Variants in CDH8 observed in about 807,000 individuals in gnomAD.
The protein encoded by CDH8 is cadherin-8.
A neutral mutation model predicts 68.1 loss-of-function variants in CDH8; 17 were observed. The observed-to-expected ratio is 0.25, with a 90% CI of 0.17 to 0.37. CDH8 has a LOEUF of 0.37. Ranked by LOEUF, CDH8 falls within the 10% of genes least tolerant of loss-of-function variation. The pLI is 1.00. For synonymous variants in CDH8, 372 were observed against 365.1 expected, an observed-to-expected ratio of 1.02 and a Z score of -0.21; for missense variants, 763 against 999.3, an observed-to-expected ratio of 0.76 and a Z score of 3.19.
At chr16:61,843,579 T>C (rs1032958155) in intron 4 of CDH8, among the ~76,000 whole-genome samples, 13 of 152,216 alleles carry the variant, frequency 8.5e-5, no homozygotes, top group Admixed American at 5.2e-4. Flanking sequence ...TTGTCTCCCC[T>C]GAAATTCCAA....
intron 11 of CDH8, among the ~76,000 whole-genome samples, chr16:61,654,595 T>TGCATG (rs1269458443): frequency 6.6e-6 from 1 of 152,212 alleles, no homozygotes; most frequent in African/African-American, 2.4e-5. Flanking sequence ...ATGTCAAATT[T>TGCATG]GCATGGGCAA....
chr16:62,030,920 G>A (rs1053679782), intron 1 of CDH8, among the ~76,000 whole-genome samples: 1 of 151,948 alleles, frequency 6.6e-6, no homozygotes, highest in African/African-American at 2.4e-5. Context: ...ACCCATAGTT[G>A]CAATTCACAT....
At chr16:61,736,603 C>T (rs547074792) in intron 8 of CDH8, among the ~76,000 whole-genome samples, 3 of 152,192 alleles carry the variant, frequency 2.0e-5, no homozygotes, top group African/African-American at 7.2e-5. Context: ...CCAAACACCA[C>T]CAAAATATCT....
chr16:61,765,110 G>A (rs1445914995), intron 8 of CDH8, among the ~76,000 whole-genome samples: 1 of 151,940 alleles, frequency 6.6e-6, no homozygotes, highest in African/African-American at 2.4e-5. Context: ...GTAGAACTAC[G>A]ACCCTTCTGA....
At chr16:61,917,082 T>C (rs912482501) in intron 2 of CDH8, among the ~76,000 whole-genome samples, 7 of 150,942 alleles carry the variant, frequency 4.6e-5, no homozygotes, top group African/African-American at 1.5e-4. Flanking sequence ...TGTGTGTGTG[T>C]GTGTGTGTGT....
intron 10 of CDH8, among the ~76,000 whole-genome samples, chr16:61,693,909 G>C (rs1964279832): frequency 6.6e-6 from 1 of 152,160 alleles, no homozygotes; most frequent in Non-Finnish European, 1.5e-5. Flanking sequence ...GTAATACTAA[G>C]CAGTCAATAC....
Position 61,857,213 on chromosome 16 carries a change from C to A in CDH8, c.573G>T (p.Ala191=). ...ILGTSVTNVT[A]TDADDPVYGN... is the part of the protein sequence containing the mutation. ...CATAAACTGGGTCATCAGCGTCGGT[C>A]GCAGTGACGTTAGTGACAGATGTAC... The change falls in exon 4 of 12, where the codon GCG becomes GCT. Residue 191 remains alanine (A), a synonymous_variant. Transcript: ENST00000577390. The A allele has an allele frequency of 6.2e-7, 1 of 1,612,450 alleles. No homozygotes were observed. Among genetic ancestry groups the A allele is most frequent in the South Asian group, 1.1e-5 (1 of 91,008 alleles).
At chr16:61,726,844 A>T in intron 9 of CDH8, 1 of 500,358 alleles carries the variant, frequency 2.0e-6, no homozygotes, top group African/African-American at 2.0e-5. Flanking sequence ...ATATTTTAAG[A>T]CAGTGATTTG....
chr16:61,820,500 C>T (rs1050726848), intron 6 of CDH8, among the ~76,000 whole-genome samples: 3 of 151,804 alleles, frequency 2.0e-5, no homozygotes, highest in Non-Finnish European at 4.4e-5. Flanking sequence ...GAGGCCTGTT[C>T]TTACTGAGAA....
chr16:62,009,644 A>G (rs1203376014), intron 2 of CDH8, among the ~76,000 whole-genome samples: 2 of 152,158 alleles, frequency 1.3e-5, no homozygotes, highest in Non-Finnish European at 2.9e-5. Flanking sequence ...AGTTTTGGCT[A>G]AAGATTCCAG....
At chr16:61,818,508 A>G (rs1962134481) in intron 6 of CDH8, among the ~76,000 whole-genome samples, 1 of 152,174 alleles carries the variant, frequency 6.6e-6, no homozygotes, top group South Asian at 2.1e-4. Context: ...AAGCAATTTG[A>G]AATTACCTCA....
chr16:61,832,003 A>G (rs1429221855), intron 4 of CDH8, among the ~76,000 whole-genome samples: 1 of 151,714 alleles, frequency 6.6e-6, no homozygotes, highest in Non-Finnish European at 1.5e-5. Context: ...AAGAGACAAT[A>G]CTTCTATAAG....
At chr16:61,958,204 T>A (rs1965019153) in intron 2 of CDH8, among the ~76,000 whole-genome samples, 1 of 152,154 alleles carries the variant, frequency 6.6e-6, no homozygotes, top group South Asian at 2.1e-4. Context: ...GGAAAATTCC[T>A]GAGGCTGATG....
rs146677866 is a variant in CDH8 at position 61,912,686 on chromosome 16, A to G, written c.253-11213T>C. 5.6e-3 allele frequency among the ~76,000 whole-genome samples: 856 copies of G among 152,220 alleles called. 9 individuals are homozygous for G. Among genetic ancestry groups the G allele is most frequent in the African/African-American group, 0.02 (824 of 41,534 alleles). On this transcript the variant is annotated intron_variant, in intron 2 of 11. Coordinates refer to ENST00000577390, the MANE Select transcript of CDH8 (RefSeq NM_001796.5). Reference sequence around the variant, plus strand: ...ACCTGGGTTGAATTACAGTGACCAGATATGATCTTGGGCAGGTCACCTACA... The same window carrying G: ...ACCTGGGTTGAATTACAGTGACCAGGTATGATCTTGGGCAGGTCACCTACA...
chr16:62,034,467 T>C (rs1035286887), intron 1 of CDH8, among the ~76,000 whole-genome samples: 3 of 152,092 alleles, frequency 2.0e-5, no homozygotes, highest in Admixed American at 6.5e-5. Context: ...TTTTTAACCA[T>C]TGAGATGGCT....
chr16:62,019,509 C>T (rs901909655), intron 2 of CDH8, among the ~76,000 whole-genome samples: 1 of 152,152 alleles, frequency 6.6e-6, no homozygotes, highest in African/African-American at 2.4e-5. Context: ...ACTTTTCATA[C>T]TTCAGAAACA....
chr16:61,935,952 G>A (rs1229324286), intron 2 of CDH8, among the ~76,000 whole-genome samples: 2 of 152,106 alleles, frequency 1.3e-5, no homozygotes, highest in Admixed American at 1.3e-4. Flanking sequence ...CATTGTGAAG[G>A]TTTACAGCAC....
intron 2 of CDH8, among the ~76,000 whole-genome samples, chr16:61,952,838 GCA>G (rs140148782): frequency 0.029 from 4,467 of 151,810 alleles, 223 homozygotes; most frequent in African/African-American, 0.1. Flanking sequence ...TAAGTGTAGA[GCA>G]CATATTGGGA....
At chr16:61,657,155 A>G (rs925124339) in intron 10 of CDH8, among the ~76,000 whole-genome samples, 6 of 151,954 alleles carry the variant, frequency 3.9e-5, no homozygotes, top group Non-Finnish European at 5.9e-5. Context: ...TTGCCATCCA[A>G]TTTCTGATCA....
Sources: allele counts gnomAD v4.1 joint callset (sites outside exome capture counted in the v4.1 genomes callset), GRCh38; gene constraint gnomAD v4.1.1; transcripts MANE v1.5; gene names NCBI Gene and HGNC (gene_info 2026-07-23, HGNC 2026-07-21).